The following APPL2 variants were observed in gnomAD, a reference collection of about 807,000 sequenced individuals.
APPL2 encodes the protein adaptor protein, phosphotyrosine interacting with PH domain and leucine zipper 2, also known as DCC-interacting protein 13-beta.
A neutral mutation model predicts 92.7 loss-of-function variants in APPL2; 84 were observed. The observed-to-expected ratio is 0.91, with a 90% CI of 0.76 to 1.09. APPL2 has a LOEUF of 1.09. Among genes scored for constraint, APPL2 ranks in the 50% least tolerant of loss-of-function variants. The pLI is 0.00. For synonymous variants in APPL2, 291 were observed against 291.0 expected (o/e 1.00, Z 0.00); for missense variants, 736 against 824.5 (o/e 0.89, Z 1.31).
chr12:105,174,885 G>GGGGA lies in APPL2; in HGVS notation c.1861-438_1861-437insTCCC, dbSNP rs951706174. Among the ~76,000 whole-genome samples the GGGGA allele has an allele frequency of 4.9e-5, 7 of 142,588 alleles. 1 individual carries two copies. Among genetic ancestry groups the GGGGA allele is most frequent in the Non-Finnish European group, 9.3e-5 (6 of 64,682 alleles). The allele number at this position is 142,588 out of a possible 152,430, so 93.5% of individuals were successfully genotyped here. ...TGCTGCTTTTTTTTGGTGGGGGGGG[G>GGGGA]GGTGGTGCGGCGGTTGGAGACAGAG... On this transcript the variant is annotated intron_variant, in intron 20 of 20. Transcript: ENST00000258530.
intron 17 of APPL2, among the ~76,000 whole-genome samples, chr12:105,186,168 G>T (rs187944385): frequency 6.6e-6 from 1 of 152,166 alleles, no homozygotes; most frequent in African/African-American, 2.4e-5. Context: ...TGAGTATCCT[G>T]TATCTGAAAT....
intron 1 of APPL2, among the ~76,000 whole-genome samples, chr12:105,232,186 T>C (rs937268745): frequency 2.0e-5 from 3 of 152,164 alleles, no homozygotes; most frequent in African/African-American, 7.2e-5. Context: ...CTCAGAGAGA[T>C]TGAGTAACTT....
intron 19 of APPL2, 176 bp downstream of exon 19, chr12:105,176,700 G>C: frequency 1.3e-6 from 1 of 771,400 alleles, no homozygotes; most frequent in Non-Finnish European, 2.0e-6. Flanking sequence ...TTTCCACAGA[G>C]AAATTTAAAT....
rs1471759703 is a variant in APPL2, at chr12:105,186,647, TATCG to T, written c.1634+1622_1634+1625del. Among the ~76,000 whole-genome samples, 8 of 124,968 alleles carry T rather than the reference TATCG, an allele frequency of 6.4e-5. No individual in the cohort carries two copies. In the East Asian group the frequency reaches 1.2e-3, roughly 19 times the overall value. 82.0% of individuals were successfully genotyped at this position (124,968 alleles called of 152,430 possible). A position where few individuals can be genotyped will look rare whatever the true frequency, so the allele number is the denominator to read the frequency against. ...TATATCATATATATCATATATATGATATCGATATCATATATATCATATATATGAT... is the reference window on the plus strand; with the variant it reads ...TATATCATATATATCATATATATGATATATCATATATATCATATATATGAT... On this transcript the variant is annotated intron_variant, in intron 17 of 20. Coordinates refer to ENST00000258530, the MANE Select transcript of APPL2 (RefSeq NM_018171.5).
In APPL2 at chr12:105,199,358, C is replaced by T. The variant is rs774724333; in HGVS notation, c.863+15G>A. ...AACGGATTTCAGAAAAAGAGGCAGA[C>T]GGTGGCGTTCTCACTTTCTAAGATT... On this transcript the variant is annotated intron_variant, in intron 10 of 20. Transcript: ENST00000258530. 11 of 1,603,246 alleles carry T rather than the reference C, an allele frequency of 6.9e-6. No individual in the cohort carries two copies. Among genetic ancestry groups the T allele is most frequent in the Admixed American group, 1.7e-5 (1 of 58,422 alleles).
chr12:105,195,795 C>T (rs981084427), intron 11 of APPL2, among the ~76,000 whole-genome samples, 168 bp from the exon 12 acceptor site: 10 of 152,158 alleles, frequency 6.6e-5, no homozygotes, highest in African/African-American at 2.4e-4. Flanking sequence ...TGGCTCATGC[C>T]TGCAGTCCCA....
At chr12:105,174,581 T>C (rs11112396) in intron 20 of APPL2, 133 bp from the exon 21 acceptor site, 1 of 853,400 alleles carries the variant, frequency 1.2e-6, no homozygotes, top group South Asian at 2.8e-5. Context: ...TGCCTTCCGC[T>C]GAGTCTCCTT....
At chr12:105,205,840 G>A (rs1485627171) in intron 8 of APPL2, among the ~76,000 whole-genome samples, 2 of 152,218 alleles carry the variant, frequency 1.3e-5, no homozygotes, top group African/African-American at 2.4e-5. Flanking sequence ...GCACACCTGT[G>A]TGCACAAGTG....
chr12:105,186,658 TATATATC>T (rs1399415912), intron 17 of APPL2, among the ~76,000 whole-genome samples: 12 of 42,480 alleles, frequency 2.8e-4, no homozygotes, highest in African/African-American at 9.6e-4. Flanking sequence ...ATCGATATCA[TATATATC>T]ATATATATGA....
In APPL2 at chr12:105,176,238, GGCAT is replaced by G. The variant is rs375307416; in HGVS notation, c.1813-160_1813-157del. ...AGGAGACTCATCACATAGGGCCCGGGGCATTTGCGTCCAACTGTCCTGACCTCTG... is the reference window on the plus strand; with the variant it reads ...AGGAGACTCATCACATAGGGCCCGGGTTGCGTCCAACTGTCCTGACCTCTG... On this transcript the variant is annotated intron_variant, in intron 19 of 20. Coordinates refer to ENST00000258530, the MANE Select transcript of APPL2 (RefSeq NM_018171.5). 1.0e-3 allele frequency: 645 copies of G among 626,064 alleles called. 5 individuals are homozygous for G. The Middle Eastern group carries it at 0.02, about 19-fold the overall frequency. The allele number at this position is 626,064 out of a possible 1,614,324, so 38.8% of individuals were successfully genotyped here. A position where few individuals can be genotyped will look rare whatever the true frequency, so the allele number is the denominator to read the frequency against.
intron 8 of APPL2, among the ~76,000 whole-genome samples, chr12:105,204,973 A>G (rs1186625807): frequency 1.3e-5 from 2 of 152,238 alleles, no homozygotes; most frequent in African/African-American, 2.4e-5. Context: ...ATGAGGACCG[A>G]ACATGACTTC....
intron 1 of APPL2, among the ~76,000 whole-genome samples, chr12:105,232,004 C>T (rs1336861565): frequency 6.6e-6 from 1 of 152,090 alleles, no homozygotes; most frequent in East Asian, 1.9e-4. Flanking sequence ...GTCAGAAAGA[C>T]ACGGTCAGAA....
chr12:105,229,193 C>G lies in APPL2; in HGVS notation c.85G>C (p.Asp29His). 6.2e-7 allele frequency: 1 copy of G among 1,613,832 alleles called. No individual in the cohort carries two copies. The highest frequency in any genetic ancestry group is 8.5e-7 in the Non-Finnish European group (1 of 1,179,892). The part of the protein sequence containing the change: ...TRSLLSVFEE[D>H]AGTLTDYTNQ... ...GTATAGTCTGTGAGGGTGCCAGCAT[C>G]TTCTTCAAACACGCTCAGTAAAGAG... The change falls in exon 2 of 21, where the codon GAT becomes CAT. Residue 29 changes from aspartate (D) to histidine (H), a missense_variant. Coordinates refer to ENST00000258530, the MANE Select transcript of APPL2 (RefSeq NM_018171.5).
intron 1 of APPL2, 117 bp from the exon 2 acceptor site, chr12:105,229,340 C>A: frequency 1.0e-6 from 1 of 993,036 alleles, no homozygotes; most frequent in Non-Finnish European, 1.5e-6. Context: ...AGAAAGGTAC[C>A]TGTTGGTTCC....
intron 1 of APPL2, among the ~76,000 whole-genome samples, chr12:105,232,624 C>T (rs1202037548): frequency 1.3e-5 from 2 of 151,838 alleles, no homozygotes; most frequent in Non-Finnish European, 2.9e-5. Context: ...ATTAGCCATG[C>T]GTGGTGATGC....
intron 17 of APPL2, among the ~76,000 whole-genome samples, chr12:105,186,645 G>GATATGAT (rs879884212): frequency 3.1e-5 from 4 of 128,174 alleles, no homozygotes; most frequent in Non-Finnish European, 4.8e-5. Context: ...TCATATATAT[G>GATATGAT]ATATCGATAT....
chr12:105,225,923 C>A (rs951368701), intron 2 of APPL2, among the ~76,000 whole-genome samples: 1 of 152,190 alleles, frequency 6.6e-6, no homozygotes, highest in Non-Finnish European at 1.5e-5. Flanking sequence ...ATTAAAATAT[C>A]TTTTATGAAC....
At chr12:105,229,603 A>T in intron 1 of APPL2, 4 of 1,007,072 alleles carry the variant, frequency 4.0e-6, no homozygotes, top group Non-Finnish European at 4.7e-6. Flanking sequence ...CATAAGATAA[A>T]CACAGGTCAG....
Position 105,174,177 on chromosome 12 carries a change from A to G in APPL2, c.*137T>C. 9.5e-7 allele frequency: 1 copy of G among 1,054,850 alleles called. No homozygotes were observed. Among genetic ancestry groups the G allele is most frequent in the Non-Finnish European group, 1.3e-6 (1 of 750,388 alleles). The allele number at this position is 1,054,850 out of a possible 1,614,324, so 65.3% of individuals were successfully genotyped here. ...AGTTTCCCTCCCAAGTCTCAGTATC[A>G]AGGCATCAAGATTACATTCCACAAA... On this transcript the variant is annotated 3_prime_UTR_variant, in exon 21 of 21. Coordinates refer to ENST00000258530, the MANE Select transcript of APPL2 (RefSeq NM_018171.5).
Sources: gnomAD v4.1 joint callset for allele counts (sites outside exome capture counted in the v4.1 genomes callset) on GRCh38, gnomAD v4.1.1 for gene constraint, MANE v1.5 for transcripts, NCBI Gene and HGNC (gene_info 2026-07-23, HGNC 2026-07-21) for gene names.